The following IL2RB variants were observed in gnomAD, a reference collection of about 807,000 sequenced individuals.
IL2RB encodes the protein interleukin 2 receptor subunit beta.
IL2RB carries 17 observed loss-of-function variants against 44.2 expected under a neutral mutation model. That is an observed-to-expected ratio of 0.38 (90% CI 0.26 to 0.58). IL2RB has a LOEUF of 0.58. Among genes scored for constraint, IL2RB ranks in the 20% least tolerant of loss-of-function variants. The pLI is 0.63. For missense variants in IL2RB, 624 were observed against 685.5 expected (o/e 0.91, Z 1.00); for synonymous variants, 286 against 297.9 (o/e 0.96, Z 0.41).
intron 1 of IL2RB, among the ~76,000 whole-genome samples, chr22:37,171,758 A>G (rs1182175442): frequency 6.6e-6 from 1 of 152,234 alleles, no homozygotes; most frequent in Non-Finnish European, 1.5e-5. Context: ...ACTTGTTCTC[A>G]GAAAGTATTT....
chr22:37,167,735 G>C (rs1372783925), intron 1 of IL2RB, among the ~76,000 whole-genome samples: 1 of 152,262 alleles, frequency 6.6e-6, no homozygotes, highest in African/African-American at 2.4e-5. Flanking sequence ...ATAGGTGGGA[G>C]GATTTGCCTG....
intron 1 of IL2RB, among the ~76,000 whole-genome samples, chr22:37,170,695 G>C (rs1382042284): frequency 6.6e-6 from 1 of 152,214 alleles, no homozygotes; most frequent in African/African-American, 2.4e-5. Context: ...TGGCCTCCCA[G>C]CCTCACTGCA....
chr22:37,130,943 G>A (rs566450400), intron 9 of IL2RB, among the ~76,000 whole-genome samples: 1 of 152,372 alleles, frequency 6.6e-6, no homozygotes, highest in South Asian at 2.1e-4. Flanking sequence ...GAGGCGGGCA[G>A]ATCACCTGAG....
chr22:37,139,211 C>T lies in IL2RB; in HGVS notation c.294G>A (p.Leu98=). Residue 98 remains leucine, a synonymous_variant, in exon 5 of 10, where the codon CTG becomes CTA. Coordinates refer to ENST00000216223, the MANE Select transcript of IL2RB (RefSeq NM_000878.5). ...LILGAPDSQK[L]TTVDIVTLRV... ...TCAGGGTGACGATGTCAACTGTGGTCAGTTTCTGAGACTGCAAGGGAAGGA... is the reference window on the plus strand; with the variant it reads ...TCAGGGTGACGATGTCAACTGTGGTTAGTTTCTGAGACTGCAAGGGAAGGA... The T allele has an allele frequency of 2.5e-6, 4 of 1,612,532 alleles. No individual in the cohort carries two copies. The highest frequency in any genetic ancestry group is 3.4e-6 in the Non-Finnish European group (4 of 1,179,106).
At chr22:37,149,929 C>T, upstream of IL2RB, 5 of 985,294 alleles carry the variant, frequency 5.1e-6, no homozygotes, top group South Asian at 4.7e-5. Context: ...CTGCTGGGGC[C>T]GCAAAGACTA....
upstream of IL2RB, among the ~76,000 whole-genome samples, chr22:37,152,401 C>T (rs1922526492): frequency 6.6e-6 from 1 of 152,072 alleles, no homozygotes; most frequent in Admixed American, 6.5e-5. Context: ...ATACTACTAA[C>T]TTTTGTATGT....
chr22:37,149,966 T>C, upstream of IL2RB: 1 of 964,622 alleles, frequency 1.0e-6, no homozygotes, highest in Non-Finnish European at 1.2e-6. Flanking sequence ...CCACTTCCTG[T>C]GCAGAGGATA....
rs540542777 is a variant in IL2RB at position 37,134,449 on chromosome 22, A to G, written c.818+879T>C. Among the ~76,000 whole-genome samples the G allele has an allele frequency of 7.1e-4, 108 of 152,252 alleles. 3 individuals carry two copies. The highest frequency in any genetic ancestry group is 7.2e-4 in the Admixed American group (11 of 15,298). On this transcript the variant is annotated intron_variant, in intron 8 of 9. Transcript: ENST00000216223. ...GTGAAACCCCGTCTGTACTAAAAAT[A>G]CAAAAACTTAGCAGAGCACGGTGGC...
upstream of IL2RB, among the ~76,000 whole-genome samples, chr22:37,151,196 T>C (rs1198539960): frequency 6.6e-6 from 1 of 152,216 alleles, no homozygotes; most frequent in Non-Finnish European, 1.5e-5. Context: ...CCACCAACAG[T>C]GTACGAGAGT....
intron 1 of IL2RB, among the ~76,000 whole-genome samples, chr22:37,155,721 C>T (rs1569051486): frequency 1.3e-5 from 2 of 151,972 alleles, no homozygotes; most frequent in African/African-American, 4.8e-5. Context: ...CGGGCCTACC[C>T]AGACCTGGGT....
At chr22:37,131,854 A>T (rs1387972454) in intron 9 of IL2RB, among the ~76,000 whole-genome samples, 1 of 151,586 alleles carries the variant, frequency 6.6e-6, no homozygotes, top group Admixed American at 6.6e-5. Context: ...CCCCTGTCTC[A>T]GCCTCCTGAG....
upstream of IL2RB, among the ~76,000 whole-genome samples, chr22:37,154,129 G>A (rs1350216735): frequency 6.6e-6 from 1 of 152,228 alleles, no homozygotes; most frequent in African/African-American, 2.4e-5. Context: ...TCGTGCCCCT[G>A]AGATGTGCAG....
At position 37,141,106 on chromosome 22, in the gene IL2RB, G is replaced by A. The variant is rs1921948546; in HGVS notation, c.282+1328C>T. Among the ~76,000 whole-genome samples, 1 of 152,150 alleles carries A rather than the reference G, an allele frequency of 6.6e-6. No homozygotes were observed. The highest frequency in any genetic ancestry group is 2.4e-5 in the African/African-American group (1 of 41,448). On this transcript the variant is annotated intron_variant, in intron 4 of 9. Coordinates refer to ENST00000216223, the MANE Select transcript of IL2RB (RefSeq NM_000878.5). The surrounding 1 kb of genome is among the most constrained non-coding windows in gnomAD (Gnocchi z 4.4). ...GGCTGCAGCTGCCTAAGTCTTGGCTGTGGACCCAGGCCTCCTGGTGCTGTT... is the reference window on the plus strand; with the variant it reads ...GGCTGCAGCTGCCTAAGTCTTGGCTATGGACCCAGGCCTCCTGGTGCTGTT...
At chr22:37,167,333 C>G (rs536473003) in intron 1 of IL2RB, among the ~76,000 whole-genome samples, 1 of 152,304 alleles carries the variant, frequency 6.6e-6, no homozygotes, top group East Asian at 1.9e-4. Context: ...CCGGCACCCT[C>G]AGTCTCGTCC....
chr22:37,154,788 A>G (rs1427452967), upstream of IL2RB, among the ~76,000 whole-genome samples: 1 of 151,880 alleles, frequency 6.6e-6, no homozygotes, highest in Non-Finnish European at 1.5e-5. Context: ...GTTGGCCAGG[A>G]CGGTCTCGAT....
intron 1 of IL2RB, among the ~76,000 whole-genome samples, chr22:37,155,174 G>A (rs1922635762): frequency 6.6e-6 from 1 of 152,054 alleles, no homozygotes; most frequent in Non-Finnish European, 1.5e-5. Context: ...GGCCAGCAGG[G>A]GTGTGCAGAG....
rs1048085749 is a variant in IL2RB, at chr22:37,141,092, C to T, written c.282+1342G>A. Among the ~76,000 whole-genome samples the T allele has an allele frequency of 9.9e-5, 15 of 152,182 alleles. No homozygotes were observed. Among genetic ancestry groups the T allele is most frequent in the Non-Finnish European group, 1.8e-4 (12 of 68,028 alleles). On this transcript the variant is annotated intron_variant, in intron 4 of 9. Coordinates refer to ENST00000216223, the MANE Select transcript of IL2RB (RefSeq NM_000878.5). This position sits in a 1 kb window ranked among gnomAD's most constrained non-coding sequence, Gnocchi z 4.4. ...GCCCTCCCAGGCAGGGCTGCAGCTGCCTAAGTCTTGGCTGTGGACCCAGGC... is the reference window on the plus strand; with the variant it reads ...GCCCTCCCAGGCAGGGCTGCAGCTGTCTAAGTCTTGGCTGTGGACCCAGGC...
chr22:37,148,833 T>C (rs1278374694), intron 1 of IL2RB, among the ~76,000 whole-genome samples: 1 of 152,058 alleles, frequency 6.6e-6, no homozygotes, highest in Non-Finnish European at 1.5e-5. Context: ...CCTGCTGCCA[T>C]CAGGGGTATA....
rs565768892 is a variant in IL2RB, at chr22:37,166,110, G to A, written c.-34+8848C>T. 9.2e-5 allele frequency among the ~76,000 whole-genome samples: 14 copies of A among 152,272 alleles called. No homozygotes were observed. In the South Asian group the frequency reaches 1.9e-3, roughly 20 times the overall value. ...CTGGGCCAGGAGAGGTGACCTCACC[G>A]CCCATGCTCAAGGTCTCTCTGTTGC... On this transcript the variant is annotated intron_variant, in intron 1 of 5. Transcript: ENST00000429622.
Sources: gnomAD v4.1 joint callset for allele counts (sites outside exome capture counted in the v4.1 genomes callset) on GRCh38, gnomAD v4.1.1 for gene constraint, Gnocchi (gnomAD v3.1) non-coding constraint, MANE v1.5 for transcripts, NCBI Gene and HGNC (gene_info 2026-07-23, HGNC 2026-07-21) for gene names.